Variants in SMS observed in about 807,000 individuals in gnomAD.
The protein encoded by SMS is spermine synthase.
A neutral mutation model predicts 33.0 loss-of-function variants in SMS; 3 were observed. The observed-to-expected ratio is 0.09, with a 90% confidence interval of 0.04 to 0.23. SMS has a LOEUF of 0.23. Among genes scored for constraint, SMS ranks in the 10% least tolerant of loss-of-function variants. SMS has a pLI of 1.00. For missense variants in SMS, 117 were observed against 288.6 expected, an observed-to-expected ratio of 0.41 and a Z score of 4.31; for synonymous variants, 103 against 112.2, an observed-to-expected ratio of 0.92 and a Z score of 0.52.
At chrX:21,956,340 A>G (rs188009262) in intron 1 of SMS, among the ~76,000 whole-genome samples, 1 of 112,509 alleles carries the variant, frequency 8.9e-6, no homozygotes, top group East Asian at 2.8e-4. Context: ...CAGGAGTGCA[A>G]TGGCAAGATC....
intron 1 of SMS, among the ~76,000 whole-genome samples, chrX:21,948,404 A>G (rs1316684349): frequency 9.4e-6 from 1 of 106,128 alleles, no homozygotes; most frequent in Admixed American, 1.0e-4. Flanking sequence ...CGCATGAGAC[A>G]TTCTAATTTA....
chrX:21,949,876 C>CA (rs1922486112), intron 1 of SMS, among the ~76,000 whole-genome samples: 2 of 109,389 alleles, frequency 1.8e-5, no homozygotes, highest in Admixed American at 9.8e-5. Flanking sequence ...CGACATAACA[C>CA]AAAAAAATGC....
chrX:21,956,438 T>C (rs1043259012), intron 1 of SMS, among the ~76,000 whole-genome samples: 1 of 109,598 alleles, frequency 9.1e-6, no homozygotes, highest in Non-Finnish European at 1.9e-5. Context: ...CACGCACCAC[T>C]GCACCTGGCT....
intron 4 of SMS, among the ~76,000 whole-genome samples, chrX:21,975,229 T>C (rs1192649208): frequency 3.6e-5 from 4 of 111,228 alleles, no homozygotes; most frequent in African/African-American, 9.8e-5. Flanking sequence ...TAGCCCGTTA[T>C]AGGGCTACCA....
chrX:21,991,371 G>A (rs1407680117), intron 9 of SMS, among the ~76,000 whole-genome samples: 17 of 110,564 alleles, frequency 1.5e-4, no homozygotes, highest in African/African-American at 5.6e-4. Flanking sequence ...TAGAGACAGG[G>A]TTTCACCATG....
chrX:21,986,552 T>A (rs1361230111), intron 9 of SMS, among the ~76,000 whole-genome samples: 1 of 111,604 alleles, frequency 9.0e-6, no homozygotes, highest in East Asian at 2.8e-4. Flanking sequence ...TCCCTCTGCG[T>A]GCAAGACCTG....
In SMS at chrX:21,980,415, C is replaced by CAAA. The variant is rs1178108858; in HGVS notation, c.750+1462_750+1464dup. On this transcript the variant is annotated intron_variant, in intron 7 of 10. Transcript: ENST00000404933. Reference sequence around the variant, plus strand: ...CTGGGCAACAGAGGGAGACTGTCTCCAAAAAAAAAAAAAAATATATATATA... The same window carrying CAAA: ...CTGGGCAACAGAGGGAGACTGTCTCCAAAAAAAAAAAAAAAAAATATATATATA... Among the ~76,000 whole-genome samples, 126 of 44,548 alleles carry CAAA rather than the reference C, an allele frequency of 2.8e-3. 2 individuals carry two copies. The highest frequency in any genetic ancestry group is 6.7e-3 in the African/African-American group (69 of 10,297). The allele number at this position is 44,548 out of a possible 115,157, so 38.7% of individuals were successfully genotyped here. A position where few individuals can be genotyped will look rare whatever the true frequency, so the allele number is the denominator to read the frequency against.
chrX:21,945,757 T>C (rs1014513939), intron 1 of SMS, among the ~76,000 whole-genome samples: 3 of 107,301 alleles, frequency 2.8e-5, no homozygotes, highest in Non-Finnish European at 5.8e-5. Flanking sequence ...CCAGAGTAGC[T>C]GGGATTACAG....
intron 7 of SMS, among the ~76,000 whole-genome samples, chrX:21,979,188 CTT>C (rs11447531): frequency 3.9e-5 from 4 of 102,682 alleles, no homozygotes; most frequent in Non-Finnish European, 6.0e-5. Context: ...AAAATTAATT[CTT>C]TTTTTTTTTA....
intron 7 of SMS, among the ~76,000 whole-genome samples, chrX:21,980,583 TAAATAGAA>T (rs1438818207): frequency 3.7e-5 from 4 of 108,818 alleles, no homozygotes; most frequent in Admixed American, 1.0e-4. Context: ...TAGGTTGTGG[TAAATAGAA>T]AAATAGAAAA....
At chrX:21,988,068 T>C (rs1470114779) in intron 9 of SMS, among the ~76,000 whole-genome samples, 2 of 112,516 alleles carry the variant, frequency 1.8e-5, no homozygotes, top group East Asian at 2.8e-4. Context: ...AAAAGACATA[T>C]GACATGTTTT....
chrX:21,964,602 A>G (rs1210229610), intron 1 of SMS, among the ~76,000 whole-genome samples: 1 of 110,950 alleles, frequency 9.0e-6, no homozygotes, highest in Non-Finnish European at 1.9e-5. Context: ...TGATACCCCA[A>G]GGGTCTCAGG....
chrX:21,957,442 GC>G (rs1923050211), intron 1 of SMS, among the ~76,000 whole-genome samples: 1 of 110,551 alleles, frequency 9.0e-6, no homozygotes, highest in African/African-American at 3.3e-5. Flanking sequence ...GGCTACAGGC[GC>G]CTGCCACCAC....
At chrX:21,982,192 G>T (rs756418704) in intron 7 of SMS, among the ~76,000 whole-genome samples, 2 of 108,679 alleles carry the variant, frequency 1.8e-5, no homozygotes, top group Non-Finnish European at 3.8e-5. Flanking sequence ...AAAAAAATTA[G>T]CTGGGCGTGG....
chrX:21,967,400 G>A lies in SMS; in HGVS notation c.170+84G>A, dbSNP rs1409972111. On this transcript the variant is annotated intron_variant, in intron 2 of 10. Coordinates refer to ENST00000404933, the MANE Select transcript of SMS (RefSeq NM_004595.5). ...AGAGTGGAGGATGGGGGTGGCATCC[G>A]GCATTTTTTTTTCTCCTTTGACATC... 9 of 1,063,821 alleles carry A rather than the reference G, an allele frequency of 8.5e-6. No individual in the cohort carries two copies. The South Asian group carries it at 1.1e-4, about 13-fold the overall frequency. The allele number at this position is 1,063,821 out of a possible 1,213,427, so 87.7% of individuals were successfully genotyped here. A position where few individuals can be genotyped will look rare whatever the true frequency, so the allele number is the denominator to read the frequency against.
At chrX:21,956,924 G>A (rs1923010838) in intron 1 of SMS, among the ~76,000 whole-genome samples, 1 of 112,117 alleles carries the variant, frequency 8.9e-6, no homozygotes, top group Admixed American at 9.4e-5. Flanking sequence ...GCCTGAGATT[G>A]GCTGCAGGCA....
At chrX:21,982,221 T>C (rs748924260) in intron 7 of SMS, among the ~76,000 whole-genome samples, 41 of 106,359 alleles carry the variant, frequency 3.9e-4, no homozygotes, top group African/African-American at 1.3e-3. Flanking sequence ...ACCTGTAGTC[T>C]CAGCTACTCG....
At chrX:21,983,038 T>C (rs1569353728) in intron 7 of SMS, among the ~76,000 whole-genome samples, 2 of 110,767 alleles carry the variant, frequency 1.8e-5, no homozygotes, top group Non-Finnish European at 3.8e-5. Flanking sequence ...TGGTGAACTT[T>C]TTTTAATTTT....
chrX:21,955,066 C>T (rs898159300), intron 1 of SMS, among the ~76,000 whole-genome samples: 1 of 111,380 alleles, frequency 9.0e-6, no homozygotes. Flanking sequence ...GAACTCCTGA[C>T]CTCAAATGAT....
Sources: gnomAD v4.1 joint callset for allele counts (sites outside exome capture counted in the v4.1 genomes callset) on GRCh38, gnomAD v4.1.1 for gene constraint, MANE v1.5 for transcripts, NCBI Gene and HGNC (gene_info 2026-07-23, HGNC 2026-07-21) for gene names.